Variants in ERBB4 observed in about 807,000 individuals in gnomAD.
ERBB4 encodes the protein receptor tyrosine-protein kinase erbB-4.
A neutral mutation model predicts 158.0 loss-of-function variants in ERBB4; 42 were observed. The observed-to-expected ratio is 0.27, with a 90% CI of 0.21 to 0.34. The LOEUF is 0.34. Ranked by LOEUF, ERBB4 falls within the 10% of genes least tolerant of loss-of-function variation. The pLI, the probability that ERBB4 is intolerant of heterozygous loss-of-function variation, is 1.00. For synonymous variants in ERBB4, 583 were observed against 558.7 expected (o/e 1.04, Z -0.61); for missense variants, 1,333 against 1,624.1 (o/e 0.82, Z 3.08).
At chr2:211,876,339 T>C (rs7569728) in intron 3 of ERBB4, among the ~76,000 whole-genome samples, 1,976 of 152,270 alleles carry the variant, frequency 0.013, 47 homozygotes, top group African/African-American at 0.044. Context: ...ATGCACCTGA[T>C]CACACCACAT....
chr2:211,893,440 C>T (rs1370548626), intron 3 of ERBB4, among the ~76,000 whole-genome samples: 2 of 140,188 alleles, frequency 1.4e-5, no homozygotes, highest in Non-Finnish European at 3.1e-5. Context: ...AACGTTAGAC[C>T]TAAAACCATA....
chr2:212,367,096 C>A (rs1354422293), intron 1 of ERBB4, among the ~76,000 whole-genome samples: 1 of 151,882 alleles, frequency 6.6e-6, no homozygotes, highest in Non-Finnish European at 1.5e-5. Flanking sequence ...CCCCCAAAAC[C>A]CTGTCCCAGC....
chr2:211,388,726 G>A (rs2062739676), intron 25 of ERBB4, among the ~76,000 whole-genome samples: 1 of 151,958 alleles, frequency 6.6e-6, no homozygotes, highest in African/African-American at 2.4e-5. Flanking sequence ...TATTTTTATA[G>A]CTTAACGCTC....
chr2:211,613,307 G>A (rs544037851), intron 19 of ERBB4, among the ~76,000 whole-genome samples: 14 of 152,090 alleles, frequency 9.2e-5, no homozygotes, highest in Admixed American at 3.9e-4. Flanking sequence ...GAATCTAAGC[G>A]GGCTGCAGAG....
intron 1 of ERBB4, among the ~76,000 whole-genome samples, chr2:212,252,216 G>T (rs549739313): frequency 2.6e-5 from 4 of 151,940 alleles, no homozygotes; most frequent in Non-Finnish European, 5.9e-5. Flanking sequence ...AAATCACGAC[G>T]ATGGATATGA....
intron 2 of ERBB4, among the ~76,000 whole-genome samples, chr2:212,067,437 A>G (rs1423848120): frequency 2.0e-5 from 3 of 152,000 alleles, no homozygotes; most frequent in Non-Finnish European, 2.9e-5. Context: ...TTTATTATCT[A>G]CCTATAGATT....
chr2:211,808,227 C>T (rs1168500993), intron 3 of ERBB4, among the ~76,000 whole-genome samples: 1 of 152,142 alleles, frequency 6.6e-6, no homozygotes, highest in East Asian at 1.9e-4. Flanking sequence ...ATGGTATTGC[C>T]TAGGTTTTCT....
At chr2:211,919,726 C>T (rs913223518) in intron 3 of ERBB4, among the ~76,000 whole-genome samples, 5 of 151,860 alleles carry the variant, frequency 3.3e-5, no homozygotes, top group African/African-American at 1.2e-4. Context: ...GTTATGGCAC[C>T]TCAGAAGTTA....
intron 1 of ERBB4, among the ~76,000 whole-genome samples, chr2:212,420,780 T>C (rs987824620): frequency 1.3e-5 from 2 of 152,154 alleles, no homozygotes; most frequent in Non-Finnish European, 2.9e-5. Flanking sequence ...ATCAAACTTA[T>C]CATTTCTTGC....
chr2:212,010,816 G>A (rs938063724), intron 2 of ERBB4, among the ~76,000 whole-genome samples: 6 of 151,892 alleles, frequency 4.0e-5, no homozygotes, highest in African/African-American at 9.7e-5. Context: ...CTCCCAGAGG[G>A]GCCGTTTATA....
At chr2:212,062,223 A>G (rs1575585225) in intron 2 of ERBB4, among the ~76,000 whole-genome samples, 1 of 152,100 alleles carries the variant, frequency 6.6e-6, no homozygotes, top group Admixed American at 6.6e-5. Context: ...AAAAGTCTAC[A>G]TGTATATTAA....
intron 1 of ERBB4, among the ~76,000 whole-genome samples, chr2:212,243,487 T>C (rs1377677702): frequency 1.3e-5 from 2 of 152,192 alleles, no homozygotes; most frequent in African/African-American, 4.8e-5. Context: ...TAGCTTTTTA[T>C]TAATCTTACT....
At chr2:212,314,750 A>C (rs2087198552) in intron 1 of ERBB4, among the ~76,000 whole-genome samples, 1 of 151,170 alleles carries the variant, frequency 6.6e-6, no homozygotes, top group African/African-American at 2.4e-5. Flanking sequence ...CTTAATTGTG[A>C]TCTCCATCCA....
chr2:211,762,992 G>A (rs1266557619), intron 4 of ERBB4, among the ~76,000 whole-genome samples: 1 of 151,968 alleles, frequency 6.6e-6, no homozygotes, highest in Non-Finnish European at 1.5e-5. Flanking sequence ...ATAATTATTT[G>A]CCTGTTTTTT....
intron 1 of ERBB4, among the ~76,000 whole-genome samples, chr2:212,286,124 C>A (rs1387887901): frequency 3.3e-5 from 5 of 152,084 alleles, no homozygotes; most frequent in Admixed American, 3.3e-4. Context: ...ACCGAGATTT[C>A]AAAGCAAGAG....
intron 1 of ERBB4, among the ~76,000 whole-genome samples, chr2:212,515,795 CA>C (rs1178219681): frequency 3.3e-5 from 5 of 151,740 alleles, no homozygotes; most frequent in African/African-American, 9.7e-5. Context: ...CATTAAATAC[CA>C]AAAGCTTAAA....
chr2:212,358,932 G>A (rs1309519864), intron 1 of ERBB4, among the ~76,000 whole-genome samples: 1 of 151,648 alleles, frequency 6.6e-6, no homozygotes, highest in East Asian at 1.9e-4. Context: ...GTTTAGAAAA[G>A]TATATTATCC....
intron 2 of ERBB4, among the ~76,000 whole-genome samples, chr2:212,068,753 T>C (rs560915098): frequency 6.6e-6 from 1 of 152,220 alleles, no homozygotes; most frequent in South Asian, 2.1e-4. Flanking sequence ...GGAATACTGA[T>C]TCTATTTCAT....
At chr2:212,310,815 G>C (rs372059239) in intron 1 of ERBB4, among the ~76,000 whole-genome samples, 52 of 150,200 alleles carry the variant, frequency 3.5e-4, no homozygotes, top group African/African-American at 1.2e-3. Context: ...ACCAGTGTCT[G>C]GTAGAAGTAG....
Sources: gnomAD v4.1 joint callset for allele counts (sites outside exome capture counted in the v4.1 genomes callset) on GRCh38, gnomAD v4.1.1 for gene constraint, MANE v1.5 for transcripts, NCBI Gene and HGNC (gene_info 2026-07-23, HGNC 2026-07-21) for gene names.